Variants in NCAM1 observed in about 807,000 individuals in gnomAD.
NCAM1 encodes antigen recognized by monoclonal antibody 5.1H11.
NCAM1 carries 14 observed loss-of-function variants against 109.8 expected under a neutral mutation model. The ratio of observed to expected loss-of-function variants is 0.13; its 90% CI spans 0.08 to 0.20. The LOEUF is 0.20. Among genes scored for constraint, NCAM1 ranks in the 10% least tolerant of loss-of-function variants. The pLI, the probability that NCAM1 is intolerant of heterozygous loss-of-function variation, is 1.00. For synonymous variants in NCAM1, 418 were observed against 442.9 expected, an observed-to-expected ratio of 0.94 and a Z score of 0.70; for missense variants, 774 against 1,109.9, an observed-to-expected ratio of 0.70 and a Z score of 4.30.
chr11:113,192,858 T>C (rs576893148), intron 1 of NCAM1, among the ~76,000 whole-genome samples: 2 of 152,174 alleles, frequency 1.3e-5, no homozygotes, highest in Non-Finnish European at 2.9e-5. Context: ...CTAACCTCCT[T>C]TGTTAGTAAA....
At chr11:113,115,846 C>A (rs2135989441) in intron 1 of NCAM1, among the ~76,000 whole-genome samples, 1 of 152,290 alleles carries the variant, frequency 6.6e-6, no homozygotes, top group South Asian at 2.1e-4. Context: ...ATGTCTCTTT[C>A]TTAGTTTTTA....
At chr11:113,269,450 AG>A (rs2137755065) in intron 17 of NCAM1, 1 of 152,606 alleles carries the variant, frequency 6.6e-6, no homozygotes, top group South Asian at 2.1e-4. Context: ...CACTCACTTC[AG>A]GTTTTCCTGA....
At chr11:112,964,799 G>A (rs1391374594) in intron 1 of NCAM1, among the ~76,000 whole-genome samples, 1 of 152,100 alleles carries the variant, frequency 6.6e-6, no homozygotes, top group African/African-American at 2.4e-5. Context: ...ATAAATACTA[G>A]CATATTTAGA....
At chr11:113,267,885 G>A (rs1395009163) in intron 17 of NCAM1, among the ~76,000 whole-genome samples, 1 of 152,190 alleles carries the variant, frequency 6.6e-6, no homozygotes, top group Non-Finnish European at 1.5e-5. Flanking sequence ...CCTCTTTAGA[G>A]ATATGATTAG....
intron 1 of NCAM1, among the ~76,000 whole-genome samples, chr11:113,055,999 AT>A (rs1271329838): frequency 1.7e-5 from 2 of 115,726 alleles, no homozygotes; most frequent in Non-Finnish European, 3.5e-5. Context: ...ATATATATAT[AT>A]ATATATATAT....
chr11:112,978,267 G>A (rs1591207696), intron 1 of NCAM1, among the ~76,000 whole-genome samples: 1 of 137,732 alleles, frequency 7.3e-6, no homozygotes. Context: ...TTTTGGGAGT[G>A]GGGTGAGATG....
chr11:113,230,061 A>T (rs1196714346), intron 9 of NCAM1, among the ~76,000 whole-genome samples: 1 of 152,104 alleles, frequency 6.6e-6, no homozygotes, highest in Non-Finnish European at 1.5e-5. Flanking sequence ...GTGCACATGT[A>T]CCCTAAAACT....
chr11:113,042,198 T>C (rs562725459), intron 1 of NCAM1, among the ~76,000 whole-genome samples: 1 of 152,180 alleles, frequency 6.6e-6, no homozygotes, highest in African/African-American at 2.4e-5. Context: ...ACAGAGAATA[T>C]CCCCTCCCCT....
At chr11:113,108,806 C>T (rs1391870314) in intron 1 of NCAM1, among the ~76,000 whole-genome samples, 3 of 146,268 alleles carry the variant, frequency 2.1e-5, no homozygotes, top group Non-Finnish European at 4.5e-5. Flanking sequence ...GACAGAGTCT[C>T]ACCCTGTCGC....
intron 1 of NCAM1, among the ~76,000 whole-genome samples, chr11:113,020,591 T>G (rs1952352490): frequency 6.6e-6 from 1 of 152,134 alleles, no homozygotes; most frequent in African/African-American, 2.4e-5. Context: ...GTGGACAACT[T>G]AGTTTGCTAT....
At chr11:113,231,827 G>A in intron 10 of NCAM1, 32 bp downstream of exon 10, 1 of 1,613,224 alleles carries the variant, frequency 6.2e-7, no homozygotes, top group Non-Finnish European at 8.5e-7. Flanking sequence ...ACCTGGGGGA[G>A]GGAGGGGCAA....
intron 1 of NCAM1, among the ~76,000 whole-genome samples, chr11:112,980,539 A>C (rs1461969303): frequency 1.3e-5 from 2 of 151,906 alleles, no homozygotes; most frequent in Non-Finnish European, 2.9e-5. Context: ...CTGAGCCTTG[A>C]TTCAGCATTT....
chr11:113,006,331 CA>C (rs1350221960), intron 1 of NCAM1, among the ~76,000 whole-genome samples: 5 of 152,184 alleles, frequency 3.3e-5, no homozygotes, highest in Admixed American at 1.3e-4. Context: ...CCTACACTAT[CA>C]ACTCATTCTG....
intron 1 of NCAM1, among the ~76,000 whole-genome samples, chr11:113,141,020 T>G (rs1555100303): frequency 1.3e-5 from 2 of 152,250 alleles, no homozygotes; most frequent in East Asian, 3.8e-4. Flanking sequence ...TTCCTGTTGT[T>G]CACTTATGCT....
At chr11:113,007,041 C>T (rs1350967711) in intron 1 of NCAM1, among the ~76,000 whole-genome samples, 1 of 152,154 alleles carries the variant, frequency 6.6e-6, no homozygotes, top group African/African-American at 2.4e-5. Context: ...TACAGAAATT[C>T]GAAACCTGCT....
intron 5 of NCAM1, among the ~76,000 whole-genome samples, chr11:113,206,721 A>T (rs149418226): frequency 1.3e-5 from 2 of 152,026 alleles, no homozygotes; most frequent in African/African-American, 4.8e-5. Flanking sequence ...ATTGACACAT[A>T]TTTTTTTTGC....
At chr11:112,981,052 C>A (rs782673215) in intron 1 of NCAM1, among the ~76,000 whole-genome samples, 1 of 151,760 alleles carries the variant, frequency 6.6e-6, no homozygotes, top group African/African-American at 2.4e-5. Context: ...TGTTACTCAG[C>A]ATAAGAGAAT....
rs1555073910 is a variant in NCAM1, at chr11:113,009,312, G to GTTTTTTTGTTGTTGTTTTTTTTTTTTT, written c.52+47655_52+47656insGTTGTTGTTTTTTTTTTTTTTTTTTTT. The stretch of plus-strand genomic sequence containing the variant: ...GATTTAATTGGAAGGGTTTTTTCGG[G>GTTTTTTTGTTGTTGTTTTTTTTTTTTT]TTTTTTTTTTTTTTTTTTTTTTTTT... On this transcript the variant is annotated intron_variant, in intron 1 of 19. Transcript: ENST00000316851. Among the ~76,000 whole-genome samples, 20 of 79,690 alleles carry GTTTTTTTGTTGTTGTTTTTTTTTTTTT rather than the reference G, an allele frequency of 2.5e-4. 1 individual carries two copies. Among genetic ancestry groups the GTTTTTTTGTTGTTGTTTTTTTTTTTTT allele is most frequent in the East Asian group, 2.1e-3 (4 of 1,920 alleles). The allele number at this position is 79,690 out of a possible 152,430, so 52.3% of individuals were successfully genotyped here.
intron 8 of NCAM1, 26 bp downstream of exon 8, chr11:113,214,537 G>A (rs1555114120): frequency 1.9e-6 from 3 of 1,581,012 alleles, no homozygotes; most frequent in Non-Finnish European, 2.6e-6. Context: ...GGAGTTTCAG[G>A]GCCTTGGAAT....
Sources: gnomAD v4.1 joint callset for allele counts (sites outside exome capture counted in the v4.1 genomes callset) on GRCh38, gnomAD v4.1.1 for gene constraint, MANE v1.5 for transcripts, NCBI Gene and HGNC (gene_info 2026-07-23, HGNC 2026-07-21) for gene names.